The following GFRA1 variants were observed in gnomAD, a reference collection of about 807,000 sequenced individuals.
GFRA1 encodes the protein GDNF family receptor alpha-1.
A neutral mutation model predicts 51.6 loss-of-function variants in GFRA1; 16 were observed. That is an observed-to-expected ratio of 0.31 (90% CI 0.21 to 0.47). GFRA1 has a LOEUF of 0.47. GFRA1 is among the 20% of genes least tolerant of loss of function. The pLI is 1.00. For missense variants in GFRA1, 530 were observed against 594.3 expected (o/e 0.89, Z 1.13); for synonymous variants, 270 against 241.3 (o/e 1.12, Z -1.10).
intron 9 of GFRA1, among the ~76,000 whole-genome samples, chr10:116,083,800 G>A (rs377481752): frequency 1.7e-3 from 256 of 152,332 alleles, no homozygotes; most frequent in African/African-American, 5.7e-3. Flanking sequence ...TACTGGGGCC[G>A]TGGGGAGAGG....
intron 6 of GFRA1, among the ~76,000 whole-genome samples, chr10:116,111,946 C>T (rs764374290): frequency 6.6e-6 from 1 of 152,182 alleles, no homozygotes. Flanking sequence ...TGGGCACAGG[C>T]GCCTCCCTCA....
intron 5 of GFRA1, among the ~76,000 whole-genome samples, chr10:116,195,099 AT>A (rs1963619861): frequency 2.0e-5 from 3 of 152,182 alleles, no homozygotes; most frequent in Non-Finnish European, 4.4e-5. Context: ...GGTGGTCAGC[AT>A]TTGGGCCATA....
intron 5 of GFRA1, among the ~76,000 whole-genome samples, chr10:116,189,515 C>G (rs1963057332): frequency 6.6e-6 from 1 of 152,180 alleles, no homozygotes; most frequent in Admixed American, 6.5e-5. Flanking sequence ...ACGTTTCACA[C>G]TTTCGTGCAA....
At chr10:116,150,719 T>C (rs1292303959) in intron 5 of GFRA1, among the ~76,000 whole-genome samples, 1 of 152,200 alleles carries the variant, frequency 6.6e-6, no homozygotes, top group Non-Finnish European at 1.5e-5. Context: ...ACTTACAAAA[T>C]ATAGTAATTC....
At position 116,269,566 on chromosome 10, in the gene GFRA1, A is replaced by T; in HGVS notation, c.355T>A (p.Ser119Thr). The change falls in exon 4 of 11, where the codon TCC becomes ACC. Residue 119 changes from serine to threonine, a missense_variant. By Grantham distance (58) the Ser-to-Thr change is moderately conservative. Transcript: ENST00000355422. ...SLQGNDLLED[S>T]PYEPVNSRLS... ...CTGCTGTTAACTGGTTCATATGGGGAATCCTCCAGCAGATCATTTCCTAAA... is the reference window on the plus strand; with the variant it reads ...CTGCTGTTAACTGGTTCATATGGGGTATCCTCCAGCAGATCATTTCCTAAA... 1 of 1,603,744 alleles carries T rather than the reference A, an allele frequency of 6.2e-7. No homozygotes were observed. The highest frequency in any genetic ancestry group is 8.5e-7 in the Non-Finnish European group (1 of 1,170,520).
chr10:116,075,792 T>A (rs1955592942), intron 9 of GFRA1, among the ~76,000 whole-genome samples: 1 of 152,136 alleles, frequency 6.6e-6, no homozygotes, highest in Non-Finnish European at 1.5e-5. Flanking sequence ...TCACCCAGGC[T>A]GGACTGCAGT....
At chr10:116,134,974 A>ATGTAATG (rs146504250) in intron 5 of GFRA1, among the ~76,000 whole-genome samples, 4,288 of 152,286 alleles carry the variant, frequency 0.028, 184 homozygotes, top group African/African-American at 0.097. Context: ...TTACATTTTT[A>ATGTAATG]ATTAACCTTT....
intron 7 of GFRA1, among the ~76,000 whole-genome samples, chr10:116,096,363 G>A (rs115769635): frequency 0.015 from 2,270 of 152,032 alleles, 50 homozygotes; most frequent in African/African-American, 0.052. Context: ...TTTGTTCTGC[G>A]TGGTCAGTTT....
At chr10:116,197,172 A>G (rs1460019954) in intron 5 of GFRA1, among the ~76,000 whole-genome samples, 1 of 152,054 alleles carries the variant, frequency 6.6e-6, no homozygotes, top group African/African-American at 2.4e-5. Context: ...CCGAGGCAAC[A>G]GTATTAGGAG....
intron 4 of GFRA1, among the ~76,000 whole-genome samples, chr10:116,237,058 T>A (rs1178102645): frequency 1.3e-5 from 2 of 152,240 alleles, no homozygotes; most frequent in African/African-American, 4.8e-5. Flanking sequence ...ATGTAATATA[T>A]GTACTATACA....
At chr10:116,146,664 A>G (rs891235979) in intron 5 of GFRA1, among the ~76,000 whole-genome samples, 1 of 152,192 alleles carries the variant, frequency 6.6e-6, no homozygotes, top group Admixed American at 6.5e-5. Flanking sequence ...GTAACTGGGA[A>G]CCCTACAATT....
intron 9 of GFRA1, among the ~76,000 whole-genome samples, chr10:116,073,308 T>A (rs902331850): frequency 1.3e-5 from 2 of 152,216 alleles, no homozygotes; most frequent in African/African-American, 4.8e-5. Flanking sequence ...GGCTTACTTC[T>A]TCTTTTCATA....
At chr10:116,163,752 G>C (rs1960083147) in intron 5 of GFRA1, among the ~76,000 whole-genome samples, 1 of 152,092 alleles carries the variant, frequency 6.6e-6, no homozygotes, top group Admixed American at 6.5e-5. Flanking sequence ...ACGGAGGCAG[G>C]GGATCTGGAT....
intron 4 of GFRA1, among the ~76,000 whole-genome samples, chr10:116,216,174 A>G (rs1245551850): frequency 6.6e-6 from 1 of 152,204 alleles, no homozygotes; most frequent in African/African-American, 2.4e-5. Flanking sequence ...AGTTATGGCA[A>G]TTAGGCTGGG....
intron 5 of GFRA1, among the ~76,000 whole-genome samples, chr10:116,198,625 C>G (rs550143109): frequency 1.2e-4 from 19 of 152,168 alleles, no homozygotes; most frequent in Non-Finnish European, 2.8e-4. Context: ...CTCTCCCAAG[C>G]CCTGGTTTCC....
intron 5 of GFRA1, among the ~76,000 whole-genome samples, chr10:116,125,868 G>C (rs2134025209): frequency 6.6e-6 from 1 of 152,286 alleles, no homozygotes; most frequent in Non-Finnish European, 1.5e-5. Context: ...TAAGCTTCCA[G>C]CCCCTGGTTA....
intron 5 of GFRA1, among the ~76,000 whole-genome samples, chr10:116,210,048 T>C (rs1257441991): frequency 6.6e-6 from 1 of 152,148 alleles, no homozygotes; most frequent in Non-Finnish European, 1.5e-5. Flanking sequence ...TAGCCAGTGA[T>C]TTGTAGATGA....
At chr10:116,267,747 T>G (rs1969776401) in intron 4 of GFRA1, among the ~76,000 whole-genome samples, 1 of 152,122 alleles carries the variant, frequency 6.6e-6, no homozygotes, top group Non-Finnish European at 1.5e-5. Flanking sequence ...CAGGAGAGCT[T>G]AGGTGGTCAC....
intron 4 of GFRA1, among the ~76,000 whole-genome samples, chr10:116,248,950 G>T (rs532561998): frequency 6.6e-6 from 1 of 152,220 alleles, no homozygotes; most frequent in East Asian, 1.9e-4. Flanking sequence ...CTGCAGGCCA[G>T]CTCCAGGGCT....
Sources: gnomAD v4.1 joint callset for allele counts (sites outside exome capture counted in the v4.1 genomes callset) on GRCh38, gnomAD v4.1.1 for gene constraint, MANE v1.5 for transcripts, NCBI Gene and HGNC (gene_info 2026-07-23, HGNC 2026-07-21) for gene names.